The following LOC122539214 variants were observed in gnomAD, a reference collection of about 807,000 sequenced individuals.
the LOC122539214 span, among the ~76,000 whole-genome samples, chr19:52,661,233 T>C: frequency 0.28 from 42,909 of 151,940 alleles, 6,287 homozygotes; most frequent in Middle Eastern, 0.36. Flanking sequence ...CCTTACCCGG[T>C]ATAAAGACTG....
the LOC122539214 span, among the ~76,000 whole-genome samples, chr19:52,681,901 G>A: frequency 3.3e-5 from 5 of 152,280 alleles, no homozygotes; most frequent in African/African-American, 7.2e-5. Flanking sequence ...AGCCTGAAGT[G>A]CAGTGGCACA....
At chr19:52,663,008 CA>C in the LOC122539214 span, among the ~76,000 whole-genome samples, 1 of 151,918 alleles carries the variant, frequency 6.6e-6, no homozygotes, top group East Asian at 1.9e-4. Context: ...ATGAAAAGTA[CA>C]AAAAATAGCC....
At chr19:52,672,321 T>G in the LOC122539214 span, among the ~76,000 whole-genome samples, 2 of 152,262 alleles carry the variant, frequency 1.3e-5, no homozygotes, top group African/African-American at 4.8e-5. Flanking sequence ...TAAGTTAACA[T>G]GTACTATGAA....
the LOC122539214 span, among the ~76,000 whole-genome samples, chr19:52,689,960 G>C: frequency 1.3e-5 from 2 of 152,084 alleles, no homozygotes; most frequent in African/African-American, 2.4e-5. Flanking sequence ...GCAGGGCCCG[G>C]CACGAGGAGG....
At chr19:52,688,337 A>AT in the LOC122539214 span, among the ~76,000 whole-genome samples, 8,440 of 139,530 alleles carry the variant, frequency 0.06, 424 homozygotes, top group African/African-American at 0.14. Context: ...TACCCGATTA[A>AT]TTTTTTTTTT....
At chr19:52,652,623 G>T in the LOC122539214 span, 1 of 463,398 alleles carries the variant, frequency 2.2e-6, no homozygotes, top group Non-Finnish European at 4.3e-6. Flanking sequence ...TGAAATATCT[G>T]CCACATTTAC....
the LOC122539214 span, among the ~76,000 whole-genome samples, chr19:52,680,812 C>T: frequency 8.5e-4 from 127 of 149,556 alleles, 2 homozygotes; most frequent in Admixed American, 8.4e-3. Context: ...CGGGGTTTCA[C>T]CGTGTTAGCC....
At chr19:52,676,505 G>A in the LOC122539214 span, among the ~76,000 whole-genome samples, 2 of 151,382 alleles carry the variant, frequency 1.3e-5, no homozygotes, top group East Asian at 3.9e-4. Context: ...GGGAGGTGGG[G>A]GGCAGCCCCC....
the LOC122539214 span, chr19:52,652,697 T>C: frequency 1.6e-6 from 1 of 634,220 alleles, no homozygotes; most frequent in Non-Finnish European, 2.9e-6. Context: ...GTAGCATTAC[T>C]GAGGACTTTG....
the LOC122539214 span, among the ~76,000 whole-genome samples, chr19:52,689,945 G>A: frequency 1.3e-5 from 2 of 152,182 alleles, no homozygotes; most frequent in South Asian, 2.1e-4. Flanking sequence ...GAGACCTGGG[G>A]AGCAGCAGGG....
At chr19:52,655,669 C>T in the LOC122539214 span, 2 of 1,270,536 alleles carry the variant, frequency 1.6e-6, no homozygotes, top group Non-Finnish European at 2.3e-6. Flanking sequence ...ATAGCCACAT[C>T]CCTGAAAGTC....
chr19:52,671,543 A>T, the LOC122539214 span, among the ~76,000 whole-genome samples: 18 of 152,026 alleles, frequency 1.2e-4, no homozygotes, highest in Non-Finnish European at 2.2e-4. Context: ...TCTGGTGCTC[A>T]AGCAATCCTC....
the LOC122539214 span, among the ~76,000 whole-genome samples, chr19:52,688,934 C>T: frequency 1.4e-5 from 2 of 139,178 alleles, no homozygotes; most frequent in African/African-American, 5.5e-5. Flanking sequence ...CCCCACCTTC[C>T]AGAGCAAGGT....
the LOC122539214 span, among the ~76,000 whole-genome samples, chr19:52,686,545 C>T: frequency 6.6e-6 from 1 of 151,010 alleles, no homozygotes; most frequent in Non-Finnish European, 1.5e-5. Flanking sequence ...AACAAAAGCA[C>T]TTTTGATACC....
At chr19:52,682,133 A>G in the LOC122539214 span, among the ~76,000 whole-genome samples, 4 of 152,118 alleles carry the variant, frequency 2.6e-5, no homozygotes, top group African/African-American at 9.7e-5. Context: ...GGCATGAGCC[A>G]CCGTGCCTGG....
At chr19:52,675,151 C>T in the LOC122539214 span, among the ~76,000 whole-genome samples, 2 of 152,192 alleles carry the variant, frequency 1.3e-5, no homozygotes, top group African/African-American at 2.4e-5. Context: ...ATAAAGCTTG[C>T]GTTACTTGAA....
chr19:52,689,744 ACTGCTCTCTGTCCGTCTC>A, the LOC122539214 span, among the ~76,000 whole-genome samples: 1 of 147,686 alleles, frequency 6.8e-6, no homozygotes, highest in African/African-American at 2.6e-5. Flanking sequence ...CAGGTTTTCC[ACTGCTCTCTGTCCGTCTC>A]CTGATCCCTT....
the LOC122539214 span, among the ~76,000 whole-genome samples, chr19:52,686,079 T>C: frequency 4.6e-5 from 7 of 151,810 alleles, no homozygotes; most frequent in Non-Finnish European, 8.8e-5. Flanking sequence ...AACTGAAAAA[T>C]AGACTAACTG....
chr19:52,676,860 G>A, the LOC122539214 span, among the ~76,000 whole-genome samples: 2 of 132,422 alleles, frequency 1.5e-5, no homozygotes, highest in African/African-American at 6.2e-5. Flanking sequence ...CATGTGCTGT[G>A]TCCACTCAGG....
Sources: allele counts gnomAD v4.1 joint callset (sites outside exome capture counted in the v4.1 genomes callset), GRCh38; gene constraint gnomAD v4.1.1; transcripts MANE v1.5.